BBS9: variants seen among roughly 807,000 people sequenced by gnomAD.
BBS9 encodes the protein protein PTHB1.
Under a neutral mutation model 117.7 loss-of-function variants are expected in BBS9, and 89 were observed. The observed-to-expected ratio is 0.76, with a 90% CI of 0.64 to 0.90. The LOEUF (loss-of-function observed/expected upper bound fraction) is 0.90. Among genes scored for constraint, BBS9 ranks in the 40% least tolerant of loss-of-function variants. BBS9 has a pLI of 0.00. For missense variants in BBS9, 982 were observed against 1,042.2 expected, an observed-to-expected ratio of 0.94 and a Z score of 0.80; for synonymous variants, 379 against 370.9, an observed-to-expected ratio of 1.02 and a Z score of -0.25.
chr7:33,322,003 T>C (rs912789550), intron 9 of BBS9, among the ~76,000 whole-genome samples: 1 of 152,150 alleles, frequency 6.6e-6, no homozygotes, highest in African/African-American at 2.4e-5. Flanking sequence ...TCCTTCATTG[T>C]GTTGATTTGA....
intron 21 of BBS9, among the ~76,000 whole-genome samples, chr7:33,544,164 TA>T (rs1301638813): frequency 1.3e-5 from 2 of 152,230 alleles, no homozygotes; most frequent in Non-Finnish European, 2.9e-5. Context: ...CCTCCCTGAT[TA>T]GCTTAATAAC....
chr7:33,381,079 T>G (rs1417840049), intron 17 of BBS9, among the ~76,000 whole-genome samples: 1 of 152,182 alleles, frequency 6.6e-6, no homozygotes, highest in Non-Finnish European at 1.5e-5. Context: ...AAAAACACTT[T>G]TAATGGCAGT....
intron 2 of BBS9, 133 bp downstream of exon 2, chr7:33,146,497 C>A (rs769688660): frequency 1.4e-6 from 1 of 700,528 alleles, no homozygotes; most frequent in Non-Finnish European, 2.6e-6. Context: ...GTCAGGAGTA[C>A]GAGACCAGCC....
chr7:33,355,715 G>A (rs1253220952), intron 15 of BBS9, among the ~76,000 whole-genome samples: 3 of 151,820 alleles, frequency 2.0e-5, no homozygotes, highest in African/African-American at 7.2e-5. Context: ...TGTAAATTGA[G>A]TTACAATGTA....
chr7:33,341,041 T>C, intron 11 of BBS9, 68 bp downstream of exon 11: 2 of 1,378,368 alleles, frequency 1.5e-6, no homozygotes, highest in South Asian at 2.3e-5. Flanking sequence ...AGGACCAAAA[T>C]GCATTGGTTT....
At chr7:33,489,791 C>T (rs1843652888) in intron 19 of BBS9, among the ~76,000 whole-genome samples, 1 of 152,130 alleles carries the variant, frequency 6.6e-6, no homozygotes, top group Non-Finnish European at 1.5e-5. Flanking sequence ...TGTGATATTT[C>T]CTATCACTCA....
chr7:33,235,453 A>C (rs1345351535), intron 5 of BBS9, among the ~76,000 whole-genome samples: 1 of 152,154 alleles, frequency 6.6e-6, no homozygotes, highest in Non-Finnish European at 1.5e-5. Context: ...TATAAACCTT[A>C]TAGTACATTT....
At position 33,387,986 on chromosome 7, in the gene BBS9, T is replaced by C. The variant is rs769047017; in HGVS notation, c.1963-6T>C. 3 of 1,613,896 alleles carry C rather than the reference T, an allele frequency of 1.9e-6. No homozygotes were observed. The South Asian group carries it at 3.3e-5, about 18-fold the overall frequency. ...TAATCTCAATTTAAGAAATTATTCA[T>C]TGCAGCTACGGATAAATGGTGAAAA... On this transcript the variant is annotated splice_polypyrimidine_tract_variant and splice_region_variant and intron_variant, in intron 18 of 22. Coordinates refer to ENST00000242067, the MANE Select transcript of BBS9 (RefSeq NM_198428.3).
chr7:33,252,017 T>C (rs943638385), intron 5 of BBS9, among the ~76,000 whole-genome samples: 1 of 152,178 alleles, frequency 6.6e-6, no homozygotes, highest in African/African-American at 2.4e-5. Flanking sequence ...GGAAGCATGA[T>C]GCTGGCATCT....
chr7:33,607,946 A>C (rs756187506), downstream of BBS9, among the ~76,000 whole-genome samples: 7 of 151,462 alleles, frequency 4.6e-5, no homozygotes, highest in Non-Finnish European at 8.8e-5. Context: ...CAAGTTTCTT[A>C]CCTGGGTATA....
At chr7:33,573,416 C>T (rs1336172026) in intron 21 of BBS9, among the ~76,000 whole-genome samples, 1 of 152,064 alleles carries the variant, frequency 6.6e-6, no homozygotes, top group Non-Finnish European at 1.5e-5. Flanking sequence ...ATGAAATATA[C>T]TCTTTTGCAC....
intron 19 of BBS9, among the ~76,000 whole-genome samples, chr7:33,466,832 G>A (rs1840233964): frequency 1.3e-5 from 2 of 152,112 alleles, no homozygotes; most frequent in South Asian, 2.1e-4. Context: ...ATTTGACCAA[G>A]GGACTTTGTC....
intron 9 of BBS9, among the ~76,000 whole-genome samples, chr7:33,325,999 T>A (rs967949514): frequency 4.6e-5 from 7 of 151,992 alleles, no homozygotes; most frequent in African/African-American, 1.7e-4. Context: ...GGCTACCACT[T>A]ACGTGTGGTC....
At chr7:33,140,808 T>G (rs1478550108) in intron 1 of BBS9, among the ~76,000 whole-genome samples, 1 of 152,226 alleles carries the variant, frequency 6.6e-6, no homozygotes, top group African/African-American at 2.4e-5. Context: ...TGCAAATATT[T>G]TTCAGAAAGT....
At chr7:33,566,693 T>C (rs1856976617) in intron 21 of BBS9, among the ~76,000 whole-genome samples, 1 of 152,098 alleles carries the variant, frequency 6.6e-6, no homozygotes, top group African/African-American at 2.4e-5. Context: ...GTGAATTAGT[T>C]AGTCATTACT....
chr7:33,294,299 AT>A (rs1804733931), intron 9 of BBS9, among the ~76,000 whole-genome samples: 5 of 24,626 alleles, frequency 2.0e-4, no homozygotes, highest in African/African-American at 1.4e-3. Flanking sequence ...TCATCTATCT[AT>A]CTATCTATCT....
At chr7:33,367,672 A>G (rs1454288901) in intron 16 of BBS9, 95 bp from the exon 17 acceptor site, 14 of 981,814 alleles carry the variant, frequency 1.4e-5, no homozygotes, top group Non-Finnish European at 2.3e-5. Flanking sequence ...GACTAGTGAC[A>G]TAAAAAACAC....
At chr7:33,143,115 G>A (rs976414005) in intron 1 of BBS9, among the ~76,000 whole-genome samples, 2 of 152,010 alleles carry the variant, frequency 1.3e-5, no homozygotes, top group South Asian at 2.1e-4. Flanking sequence ...GACTACAGGC[G>A]CCTGCCACCA....
chr7:33,497,555 A>T lies in BBS9; in HGVS notation c.2116-7908A>T, dbSNP rs137912698. ...TTTATTCAAATCACCAAATTTTCTAACATTTTCAGTAAGGTATAAAAGAAG... is the reference window on the plus strand; with the variant it reads ...TTTATTCAAATCACCAAATTTTCTATCATTTTCAGTAAGGTATAAAAGAAG... On this transcript the variant is annotated intron_variant, in intron 19 of 22. Transcript: ENST00000242067. 5.9e-3 allele frequency among the ~76,000 whole-genome samples: 903 copies of T among 152,254 alleles called. 11 individuals are homozygous for T. The highest frequency in any genetic ancestry group is 0.021 in the African/African-American group (867 of 41,552).
Sources: allele counts gnomAD v4.1 joint callset (sites outside exome capture counted in the v4.1 genomes callset), GRCh38; gene constraint gnomAD v4.1.1; transcripts MANE v1.5; gene names NCBI Gene and HGNC (gene_info 2026-07-23, HGNC 2026-07-21).